Variants in UBE4B observed in about 807,000 individuals in gnomAD.
UBE4B encodes the protein ubiquitin conjugation factor E4 B.
A neutral mutation model predicts 148.1 loss-of-function variants in UBE4B; 27 were observed. The ratio of observed to expected loss-of-function variants is 0.18; its 90% CI spans 0.13 to 0.25. The LOEUF (loss-of-function observed/expected upper bound fraction) is 0.25. Among genes scored for constraint, UBE4B ranks in the 10% least tolerant of loss-of-function variants. UBE4B has a pLI of 1.00. For synonymous variants in UBE4B, 596 were observed against 619.3 expected (o/e 0.96, Z 0.56); for missense variants, 1,170 against 1,662.4 (o/e 0.70, Z 5.15).
chr1:10,053,332 G>T lies in UBE4B; in HGVS notation c.25-18696G>T, dbSNP rs11807784. ...CCCGGCTAATTTTTTTGTATTTTTAGTAGAGACGGGGTTTCACTGTGGTAG... is the reference window on the plus strand; with the variant it reads ...CCCGGCTAATTTTTTTGTATTTTTATTAGAGACGGGGTTTCACTGTGGTAG... On this transcript the variant is annotated intron_variant, in intron 1 of 27. Coordinates refer to ENST00000343090, the MANE Select transcript of UBE4B (RefSeq NM_001105562.3). 8.3e-3 allele frequency among the ~76,000 whole-genome samples: 1,267 copies of T among 151,902 alleles called. 24 individuals are homozygous for T. The highest frequency in any genetic ancestry group is 0.029 in the African/African-American group (1,195 of 41,444).
At chr1:10,117,322 G>T in intron 7 of UBE4B, 137 bp from the exon 8 acceptor site, 5 of 1,071,126 alleles carry the variant, frequency 4.7e-6, no homozygotes, top group Non-Finnish European at 6.7e-6. Flanking sequence ...AGCAGTCAGG[G>T]TGGATCTTGG....
chr1:10,120,198 T>G (rs1645386556), intron 9 of UBE4B, among the ~76,000 whole-genome samples: 1 of 152,174 alleles, frequency 6.6e-6, no homozygotes, highest in African/African-American at 2.4e-5. Flanking sequence ...TTCTTTTATA[T>G]AAAAAATATC....
intron 25 of UBE4B, 79 bp downstream of exon 25, chr1:10,171,408 C>A: frequency 6.6e-7 from 1 of 1,520,680 alleles, no homozygotes; most frequent in Non-Finnish European, 8.9e-7. Flanking sequence ...GGGAACTCGT[C>A]TGGTGTAAAT....
In UBE4B at chr1:10,171,155, G is replaced by A. The variant is rs1646333089; in HGVS notation, c.3351G>A (p.Leu1117=). The A allele has an allele frequency of 3.7e-6, 6 of 1,614,022 alleles. No individual in the cohort carries two copies. The highest frequency in any genetic ancestry group is 5.1e-6 in the Non-Finnish European group (6 of 1,179,942). The change falls in exon 25 of 28, where the codon TTG becomes TTA. Residue 1117 remains leucine (L), a synonymous_variant. Coordinates refer to ENST00000343090, the MANE Select transcript of UBE4B (RefSeq NM_001105562.3). ...TTTCCTAGGAGCTTGGACCCCGATT[G>A]GCTGCAATGCTGAACTTTAATCTTC... ...PFLRPELGPR[L]AAMLNFNLQQ...
chr1:10,073,550 C>T (rs1411957870), intron 2 of UBE4B, among the ~76,000 whole-genome samples: 1 of 151,826 alleles, frequency 6.6e-6, no homozygotes, highest in East Asian at 1.9e-4. Flanking sequence ...GGTGAAAGCC[C>T]GTCTCACAAA....
chr1:10,147,163 T>C (rs1645888138), intron 19 of UBE4B, 73 bp downstream of exon 19: 1 of 1,597,918 alleles, frequency 6.3e-7, no homozygotes, highest in African/African-American at 1.3e-5. Context: ...CCTTCAAAGT[T>C]GATAACTAAA....
chr1:10,170,988 G>T (rs2102031192), intron 24 of UBE4B, 150 bp from the exon 25 acceptor site: 1 of 692,998 alleles, frequency 1.4e-6, no homozygotes, highest in Non-Finnish European at 2.3e-6. Context: ...ATATAATGTT[G>T]TCTTTCTTCA....
At chr1:10,090,434 T>TA (rs772916878) in intron 2 of UBE4B, among the ~76,000 whole-genome samples, 24 of 152,334 alleles carry the variant, frequency 1.6e-4, no homozygotes, top group Non-Finnish European at 2.8e-4. Context: ...ACCTGTGTTT[T>TA]ACTCTTTGCT....
chr1:10,146,268 A>G (rs917594101), intron 18 of UBE4B, among the ~76,000 whole-genome samples: 1 of 152,286 alleles, frequency 6.6e-6, no homozygotes, highest in Non-Finnish European at 1.5e-5. Flanking sequence ...CCTGGCCAAC[A>G]TGGTGAAACC....
At chr1:10,097,931 C>T (rs1644954840) in intron 3 of UBE4B, among the ~76,000 whole-genome samples, 1 of 152,030 alleles carries the variant, frequency 6.6e-6, no homozygotes, top group South Asian at 2.1e-4. Context: ...AATGCCGTGG[C>T]ACAATCTCGG....
rs559009420 is a variant in UBE4B at position 10,044,897 on chromosome 1, CTAT to C, written c.24+11213_24+11215del. Reference sequence around the variant, plus strand: ...CGCGCCTGGCCTGTGCCCTTTATTTCTATTATTATTATATTGTAATATAGAATG... The same window carrying C: ...CGCGCCTGGCCTGTGCCCTTTATTTCTATTATTATATTGTAATATAGAATG... On this transcript the variant is annotated intron_variant, in intron 1 of 27. Coordinates refer to ENST00000343090, the MANE Select transcript of UBE4B (RefSeq NM_001105562.3). Among the ~76,000 whole-genome samples, 738 of 152,200 alleles carry C rather than the reference CTAT, an allele frequency of 4.8e-3. 3 individuals are homozygous for C. Among genetic ancestry groups the C allele is most frequent in the Middle Eastern group, 0.01 (3 of 294 alleles).
At chr1:10,084,823 G>A (rs1644740257) in intron 2 of UBE4B, among the ~76,000 whole-genome samples, 3 of 151,110 alleles carry the variant, frequency 2.0e-5, no homozygotes, top group African/African-American at 7.3e-5. Context: ...TTAGCCTCCC[G>A]AGTAGCTGGG....
At chr1:10,043,207 C>G (rs1643838487) in intron 1 of UBE4B, among the ~76,000 whole-genome samples, 1 of 151,502 alleles carries the variant, frequency 6.6e-6, no homozygotes, top group African/African-American at 2.4e-5. Context: ...TGGAGTTTTA[C>G]CATGTTGACC....
intron 1 of UBE4B, among the ~76,000 whole-genome samples, chr1:10,052,864 G>A (rs968286944): frequency 6.6e-6 from 1 of 152,206 alleles, no homozygotes; most frequent in Non-Finnish European, 1.5e-5. Flanking sequence ...AGGCTGAGAA[G>A]TTCCAAGATC....
intron 1 of UBE4B, among the ~76,000 whole-genome samples, chr1:10,046,321 C>G (rs1177177177): frequency 6.6e-6 from 1 of 152,142 alleles, no homozygotes; most frequent in Non-Finnish European, 1.5e-5. Context: ...AACCCTTCTC[C>G]CGAGGGAGAC....
At chr1:10,174,380 A>G (rs1272653792) in intron 25 of UBE4B, among the ~76,000 whole-genome samples, 30 of 147,064 alleles carry the variant, frequency 2.0e-4, no homozygotes, top group African/African-American at 5.6e-4. Context: ...GTGACAGAGC[A>G]AGACTCCATA....
Position 10,130,911 on chromosome 1 carries a change from G to A in UBE4B, c.1911+98G>A, listed in dbSNP as rs567563181. ...ACTGGACTATGCCCAGTAGACAAAC[G>A]GCTAACAAAAGCCAATTCGATCTTA... On this transcript the variant is annotated intron_variant, in intron 14 of 27. Transcript: ENST00000343090. The A allele has an allele frequency of 3.0e-3, 3,278 of 1,090,344 alleles. 25 individuals carry two copies. Among genetic ancestry groups the A allele is most frequent in the South Asian group, 0.012 (891 of 74,514 alleles). The allele number at this position is 1,090,344 out of a possible 1,614,324, so 67.5% of individuals were successfully genotyped here.
At chr1:10,046,674 A>G (rs1169208815) in intron 1 of UBE4B, among the ~76,000 whole-genome samples, 1 of 151,928 alleles carries the variant, frequency 6.6e-6, no homozygotes, top group Non-Finnish European at 1.5e-5. Flanking sequence ...TATTTTCTGG[A>G]GAGTTTTTCT....
rs980394947 is a variant in UBE4B at position 10,090,795 on chromosome 1, G to A, written c.212-4666G>A. On this transcript the variant is annotated intron_variant, in intron 2 of 27. Transcript: ENST00000343090. ...GTGGAATTTAGAAGCCTATGCATTT[G>A]TGTGTGTGTGTGTGTGTGTGTGTGT... 3.0e-4 allele frequency among the ~76,000 whole-genome samples: 37 copies of A among 124,746 alleles called. 1 individual carries two copies. The highest frequency in any genetic ancestry group is 1.3e-3 in the East Asian group (6 of 4,630). 81.8% of individuals were successfully genotyped at this position (124,746 alleles called of 152,430 possible).
Sources: gnomAD v4.1 joint callset for allele counts (sites outside exome capture counted in the v4.1 genomes callset) on GRCh38, gnomAD v4.1.1 for gene constraint, MANE v1.5 for transcripts, NCBI Gene and HGNC (gene_info 2026-07-23, HGNC 2026-07-21) for gene names.